Variants in PLCG2 observed in about 807,000 individuals in gnomAD.
PLCG2 encodes the protein phospholipase C gamma 2, also known as 1-phosphatidylinositol 4,5-bisphosphate phosphodiesterase gamma-2.
In PLCG2, 69 loss-of-function variants were observed where a neutral mutation model predicts 175.6. The ratio of observed to expected loss-of-function variants is 0.39; its 90% CI spans 0.32 to 0.48. The LOEUF (loss-of-function observed/expected upper bound fraction) is 0.48, where lower values mean the gene tolerates loss of function less well. PLCG2 is among the 20% of genes least tolerant of loss of function. The pLI is 0.91. For synonymous variants in PLCG2, 827 were observed against 624.0 expected (o/e 1.33, Z -4.85); for missense variants, 1,798 against 1,650.9 (o/e 1.09, Z -1.54).
intron 28 of PLCG2, among the ~76,000 whole-genome samples, chr16:81,938,223 C>T (rs1458187993): frequency 2.0e-5 from 3 of 152,096 alleles, no homozygotes; most frequent in African/African-American, 7.2e-5. Flanking sequence ...TGGGAAACAG[C>T]CATTTGGTCT....
At chr16:81,865,890 C>G (rs1479284568) in intron 5 of PLCG2, among the ~76,000 whole-genome samples, 22 of 136,790 alleles carry the variant, frequency 1.6e-4, no homozygotes, top group African/African-American at 5.9e-4. Flanking sequence ...ACGCTGGCCT[C>G]TCCCTTGCTC....
chr16:81,888,435 C>T (rs1339209781), intron 9 of PLCG2, among the ~76,000 whole-genome samples: 9 of 152,148 alleles, frequency 5.9e-5, no homozygotes, highest in Admixed American at 5.9e-4. Context: ...CCATGTTGGC[C>T]AGGCTGGTCT....
rs936434153 is a variant in PLCG2 at position 81,827,270 on chromosome 16, T to C, written c.194-27174T>C. ...GGTGCCACTATCGCTCACTGCAGCC[T>C]CAGCTTCCCAGGATCAAGTGATCTT... On this transcript the variant is annotated intron_variant, in intron 2 of 32. Transcript: ENST00000564138. 1.5e-4 allele frequency among the ~76,000 whole-genome samples: 23 copies of C among 151,558 alleles called. No individual in the cohort carries two copies. The East Asian group carries it at 4.1e-3, about 27-fold the overall frequency.
chr16:81,887,118 GT>G (rs59300746), intron 9 of PLCG2, among the ~76,000 whole-genome samples: 373 of 141,568 alleles, frequency 2.6e-3, no homozygotes, highest in African/African-American at 6.6e-3. Context: ...AGGCAAAGTT[GT>G]TTTTTTTTTT....
At chr16:81,910,405 T>C in intron 17 of PLCG2, 115 bp from the exon 18 acceptor site, 1 of 899,094 alleles carries the variant, frequency 1.1e-6, no homozygotes, top group African/African-American at 1.6e-5. Context: ...GTGTCTGTTC[T>C]AGGAGCAGAG....
chr16:81,836,499 G>C (rs1005489735), intron 2 of PLCG2, among the ~76,000 whole-genome samples: 4 of 152,186 alleles, frequency 2.6e-5, no homozygotes, highest in African/African-American at 7.2e-5. Context: ...CCAGCACTTT[G>C]GGAGGGTGAG....
intron 19 of PLCG2, among the ~76,000 whole-genome samples, chr16:81,916,857 C>T (rs576702464): frequency 1.2e-4 from 18 of 152,172 alleles, no homozygotes; most frequent in African/African-American, 4.1e-4. Context: ...AGGCTGGTAT[C>T]GAACTGCTGA....
chr16:81,913,924 C>G (rs1008798603), intron 19 of PLCG2, among the ~76,000 whole-genome samples: 1 of 152,234 alleles, frequency 6.6e-6, no homozygotes, highest in Admixed American at 6.5e-5. Flanking sequence ...TACTGAGGAC[C>G]TACTGTGTAC....
chr16:81,840,392 G>C (rs1035173996), intron 2 of PLCG2, among the ~76,000 whole-genome samples: 1 of 152,172 alleles, frequency 6.6e-6, no homozygotes, highest in Non-Finnish European at 1.5e-5. Flanking sequence ...GTGTGAGGAT[G>C]ATTCAAGGGC....
chr16:81,831,725 T>C (rs1463678418), intron 2 of PLCG2, among the ~76,000 whole-genome samples: 1 of 151,956 alleles, frequency 6.6e-6, no homozygotes, highest in Non-Finnish European at 1.5e-5. Context: ...GGCTAGAGGG[T>C]AATGGGGACC....
intron 2 of PLCG2, among the ~76,000 whole-genome samples, chr16:81,830,581 T>C (rs1224246165): frequency 6.6e-6 from 1 of 151,982 alleles, no homozygotes; most frequent in East Asian, 1.9e-4. Context: ...GTGCTGGGAT[T>C]ACAGGCATAA....
chr16:81,910,791 T>C, intron 18 of PLCG2, 71 bp downstream of exon 18: 10 of 1,437,600 alleles, frequency 7.0e-6, no homozygotes, highest in Non-Finnish European at 8.7e-6. Flanking sequence ...GAAGCTGGCC[T>C]GGTGGTTCAG....
chr16:81,865,061 G>C (rs1350082603), intron 5 of PLCG2, among the ~76,000 whole-genome samples: 1 of 152,190 alleles, frequency 6.6e-6, no homozygotes, highest in South Asian at 2.1e-4. Flanking sequence ...AAGGAAGGCA[G>C]CTGGAACAGG....
intron 1 of PLCG2, among the ~76,000 whole-genome samples, chr16:81,751,735 A>C (rs1311253415): frequency 1.3e-5 from 2 of 152,100 alleles, no homozygotes; most frequent in Non-Finnish European, 2.9e-5. Context: ...TAAATATGTA[A>C]AAGAGTCCGG....
intron 2 of PLCG2, among the ~76,000 whole-genome samples, chr16:81,807,566 C>G (rs879905780): frequency 6.6e-6 from 1 of 152,210 alleles, no homozygotes; most frequent in East Asian, 1.9e-4. Context: ...GCTCTAAGAG[C>G]TTTCCCTGTA....
Position 81,816,647 on chromosome 16 carries a change from T to G in PLCG2, c.193+30465T>G, listed in dbSNP as rs935910355. 7.9e-5 allele frequency among the ~76,000 whole-genome samples: 6 copies of G among 76,002 alleles called. 1 individual carries two copies. In the South Asian group the frequency reaches 3.7e-3, roughly 47 times the overall value. The allele number at this position is 76,002 out of a possible 152,430, so 49.9% of individuals were successfully genotyped here. A position where few individuals can be genotyped will look rare whatever the true frequency, so the allele number is the denominator to read the frequency against. On this transcript the variant is annotated intron_variant, in intron 2 of 32. Coordinates refer to ENST00000564138, the MANE Select transcript of PLCG2 (RefSeq NM_002661.5). ...GCATGCACCACCATGCCCAGCTAAT[T>G]TTAATTTTTTTTTTTTTTTTTTTTT...
intron 8 of PLCG2, 39 bp from the exon 9 acceptor site, chr16:81,883,230 G>A (rs1343805660): frequency 1.3e-6 from 2 of 1,584,638 alleles, no homozygotes; most frequent in East Asian, 2.2e-5. Context: ...TCTGTTGAAT[G>A]TGTCTGTCTC....
At chr16:81,851,086 T>C (rs1233582884) in intron 2 of PLCG2, among the ~76,000 whole-genome samples, 1 of 152,176 alleles carries the variant, frequency 6.6e-6, no homozygotes. Flanking sequence ...TTCTCTCACC[T>C]TCATCCCTAA....
intron 17 of PLCG2, among the ~76,000 whole-genome samples, chr16:81,909,752 C>T (rs973207377): frequency 6.6e-6 from 1 of 152,312 alleles, no homozygotes; most frequent in Admixed American, 6.5e-5. Context: ...TAATCCTGGA[C>T]ACCTAAATGA....
Sources: allele counts gnomAD v4.1 joint callset (sites outside exome capture counted in the v4.1 genomes callset), GRCh38; gene constraint gnomAD v4.1.1; transcripts MANE v1.5; gene names NCBI Gene and HGNC (gene_info 2026-07-23, HGNC 2026-07-21).